The following FNIP1 variants were observed in gnomAD, a reference collection of about 807,000 sequenced individuals.
FNIP1 encodes the protein folliculin-interacting protein 1.
FNIP1 carries 40 observed loss-of-function variants against 124.5 expected under a neutral mutation model. That is an observed-to-expected ratio of 0.32 (90% CI 0.25 to 0.42). The LOEUF (loss-of-function observed/expected upper bound fraction) is 0.42, where lower values mean the gene tolerates loss of function less well. Ranked by LOEUF, FNIP1 falls within the 10% of genes least tolerant of loss-of-function variation. The pLI, the probability that FNIP1 is intolerant of heterozygous loss-of-function variation, is 1.00. For missense variants in FNIP1, 1,176 were observed against 1,403.7 expected (o/e 0.84, Z 2.59); for synonymous variants, 472 against 470.6 (o/e 1.00, Z -0.04).
intron 1 of FNIP1, among the ~76,000 whole-genome samples, chr5:131,794,746 G>A (rs1476819258): frequency 4.6e-5 from 7 of 152,164 alleles, no homozygotes; most frequent in East Asian, 1.9e-4. Flanking sequence ...TGTATTAAGC[G>A]TGGTCACGCC....
intron 2 of FNIP1, among the ~76,000 whole-genome samples, chr5:131,734,669 C>G (rs1298720674): frequency 6.6e-6 from 1 of 152,172 alleles, no homozygotes; most frequent in Non-Finnish European, 1.5e-5. Flanking sequence ...ACAGACACCT[C>G]TCAAAAGAAG....
intron 17 of FNIP1, among the ~76,000 whole-genome samples, chr5:131,646,572 A>G (rs749502810): frequency 5.9e-5 from 9 of 152,204 alleles, no homozygotes; most frequent in Non-Finnish European, 1.3e-4. Flanking sequence ...ACATAATGAA[A>G]TAGGGCTATA....
At chr5:131,763,570 A>C (rs1482809723) in intron 1 of FNIP1, among the ~76,000 whole-genome samples, 1 of 152,086 alleles carries the variant, frequency 6.6e-6, no homozygotes, top group Non-Finnish European at 1.5e-5. Flanking sequence ...AATAGGAGGA[A>C]GAAAGAAATG....
intron 11 of FNIP1, among the ~76,000 whole-genome samples, chr5:131,688,076 A>G (rs1768343733): frequency 6.6e-6 from 1 of 152,026 alleles, no homozygotes; most frequent in South Asian, 2.1e-4. Flanking sequence ...AATACTTCCA[A>G]AGGTCACATC....
chr5:131,693,327 T>C (rs13170681), intron 11 of FNIP1, among the ~76,000 whole-genome samples: 2,663 of 61,990 alleles, frequency 0.043, 86 homozygotes, highest in Middle Eastern at 0.089. Context: ...CACATATATA[T>C]ATATACATAT....
Position 131,710,644 on chromosome 5 carries a change from T to C in FNIP1, c.640A>G (p.Ser214Gly). 1 of 1,613,844 alleles carries C rather than the reference T, an allele frequency of 6.2e-7. No individual in the cohort carries two copies. Among genetic ancestry groups the C allele is most frequent in the Non-Finnish European group, 8.5e-7 (1 of 1,179,938 alleles). ...TGCTCAGAGAATGCCCGCCTGGGGC[T>C]GCAGAACTGTGAAAGACCTACATGG... ...LGNIGLSQFC[S>G]PRRAFSEQGP... is the part of the protein sequence containing the mutation. Residue 214 changes from serine to glycine, a missense_variant, in exon 7 of 18, where the codon AGC becomes GGC. Physicochemically the swap from Ser to Gly is moderately conservative, Grantham distance 56. This residue lies in a region of FNIP1 where 1,109 missense variants were observed against 1,288.5 expected (regional missense o/e 0.86). Transcript: ENST00000510461.
chr5:131,697,264 AGTGT>A, intron 11 of FNIP1, among the ~76,000 whole-genome samples: 1 of 152,168 alleles, frequency 6.6e-6, no homozygotes. Context: ...AGTGGTACGT[AGTGT>A]ACACAATGTG....
At chr5:131,713,122 C>T (rs566035182) in intron 6 of FNIP1, among the ~76,000 whole-genome samples, 2 of 152,186 alleles carry the variant, frequency 1.3e-5, no homozygotes, top group South Asian at 4.1e-4. Context: ...GATCTTGGCT[C>T]ACTGCAAGCT....
rs1418151156 is a variant in FNIP1, at chr5:131,682,989, A to G, written c.1203-3814T>C. 3.9e-5 allele frequency among the ~76,000 whole-genome samples: 6 copies of G among 152,298 alleles called. No homozygotes were observed. The South Asian group carries it at 6.2e-4, about 16-fold the overall frequency. The stretch of plus-strand genomic sequence containing the variant: ...AAGACTTCGTCTTTGTTAGGCAGCA[A>G]TGTTAACTAAACATGCTTCCTGCTT... On this transcript the variant is annotated intron_variant, in intron 11 of 17. Transcript: ENST00000510461.
chr5:131,703,706 C>T (rs1042590191), intron 10 of FNIP1, among the ~76,000 whole-genome samples: 7 of 152,192 alleles, frequency 4.6e-5, no homozygotes, highest in African/African-American at 1.7e-4. Flanking sequence ...CCCTTATATA[C>T]CGTTCTCCGT....
intron 11 of FNIP1, among the ~76,000 whole-genome samples, chr5:131,694,319 A>G (rs1768616228): frequency 6.6e-6 from 1 of 152,248 alleles, no homozygotes; most frequent in Admixed American, 6.5e-5. Context: ...CAAGCAAGAT[A>G]TCTTTCGATA....
intron 1 of FNIP1, among the ~76,000 whole-genome samples, chr5:131,755,298 G>A (rs1476531710): frequency 4.6e-5 from 7 of 152,074 alleles, no homozygotes; most frequent in African/African-American, 9.6e-5. Context: ...GTGGGCGCCT[G>A]TAATTCTGGC....
At chr5:131,666,927 A>G (rs1242915546) in intron 15 of FNIP1, among the ~76,000 whole-genome samples, 2 of 152,196 alleles carry the variant, frequency 1.3e-5, no homozygotes, top group Non-Finnish European at 2.9e-5. Flanking sequence ...GATCAGACAT[A>G]AAGAAAGATA....
intron 17 of FNIP1, among the ~76,000 whole-genome samples, chr5:131,646,735 T>G (rs1766893571): frequency 6.6e-6 from 1 of 152,198 alleles, no homozygotes; most frequent in Non-Finnish European, 1.5e-5. Flanking sequence ...ATCTACAGAC[T>G]TCTGTTACCT....
At chr5:131,752,008 T>TA (rs1416015199) in intron 1 of FNIP1, among the ~76,000 whole-genome samples, 1 of 152,076 alleles carries the variant, frequency 6.6e-6, no homozygotes, top group East Asian at 1.9e-4. Context: ...TCAGCAATAA[T>TA]AAAAAAGGCT....
chr5:131,752,295 G>C (rs746294752), intron 1 of FNIP1, among the ~76,000 whole-genome samples: 5 of 151,898 alleles, frequency 3.3e-5, no homozygotes, highest in South Asian at 2.1e-4. Flanking sequence ...TGCCTGCCTC[G>C]GCCTCCCAAA....
intron 10 of FNIP1, among the ~76,000 whole-genome samples, chr5:131,699,813 G>A (rs1047039170): frequency 3.3e-5 from 5 of 149,468 alleles, no homozygotes; most frequent in Non-Finnish European, 7.4e-5. Context: ...CTATGAAAGA[G>A]GCTGAGGCAT....
Position 131,756,390 on chromosome 5 carries a change from C to T in FNIP1, c.93-11700G>A, listed in dbSNP as rs149169683. Among the ~76,000 whole-genome samples, 6 of 152,036 alleles carry T rather than the reference C, an allele frequency of 3.9e-5. No individual in the cohort carries two copies. In the East Asian group the frequency reaches 9.7e-4, roughly 24 times the overall value. On this transcript the variant is annotated intron_variant, in intron 1 of 17. Transcript: ENST00000510461. ...GGTCACTCAGGTAGAAGAAGTGAGG[C>T]TACAAGAGCCCTTTTTTTAAAAAAA... is the stretch of plus-strand genomic sequence containing the variant.
chr5:131,679,183 G>C lies in FNIP1; in HGVS notation c.1203-8C>G. ...AGATTACAAATTGTTGTTCTAAAAA[G>C]AGGAAGACACATTATGAAATGTATA... On this transcript the variant is annotated splice_region_variant and splice_polypyrimidine_tract_variant and intron_variant, in intron 11 of 17. Coordinates refer to ENST00000510461, the MANE Select transcript of FNIP1 (RefSeq NM_133372.3). The C allele has an allele frequency of 1.4e-5, 21 of 1,505,148 alleles. No homozygotes were observed. The highest frequency in any genetic ancestry group is 1.8e-5 in the Non-Finnish European group (19 of 1,084,002). The allele number at this position is 1,505,148 out of a possible 1,614,324, so 93.2% of individuals were successfully genotyped here. A position where few individuals can be genotyped will look rare whatever the true frequency, so the allele number is the denominator to read the frequency against.
Sources: allele counts gnomAD v4.1 joint callset (sites outside exome capture counted in the v4.1 genomes callset), GRCh38; gene constraint gnomAD v4.1.1; regional missense constraint gnomAD v4.1.1; transcripts MANE v1.5; gene names NCBI Gene and HGNC (gene_info 2026-07-23, HGNC 2026-07-21).